Variants in CRIM1 observed in about 807,000 individuals in gnomAD.
CRIM1 encodes the protein cysteine rich transmembrane BMP regulator 1.
Under a neutral mutation model 116.4 loss-of-function variants are expected in CRIM1, and 32 were observed. The observed-to-expected ratio is 0.27, with a 90% CI of 0.21 to 0.37. The LOEUF (loss-of-function observed/expected upper bound fraction) is 0.37, where lower values mean the gene tolerates loss of function less well. CRIM1 is among the 10% of genes least tolerant of loss of function. The pLI is 1.00. For missense variants in CRIM1, 1,331 were observed against 1,354.8 expected (o/e 0.98, Z 0.28); for synonymous variants, 590 against 509.2 (o/e 1.16, Z -2.13).
At chr2:36,403,686 T>C (rs1672581301) in intron 2 of CRIM1, among the ~76,000 whole-genome samples, 1 of 152,130 alleles carries the variant, frequency 6.6e-6, no homozygotes, top group Non-Finnish European at 1.5e-5. Context: ...GGGAGGACTA[T>C]TATCAAGATA....
intron 4 of CRIM1, among the ~76,000 whole-genome samples, chr2:36,450,298 C>A (rs766831986): frequency 5.9e-4 from 90 of 152,134 alleles, no homozygotes; most frequent in Non-Finnish European, 1.1e-3. Context: ...GGCTCCTGGA[C>A]CCATATTTGC....
chr2:36,439,949 T>G (rs958486615), intron 2 of CRIM1, among the ~76,000 whole-genome samples: 2 of 152,180 alleles, frequency 1.3e-5, no homozygotes, highest in Non-Finnish European at 1.5e-5. Context: ...AGGTGCTCAG[T>G]CAATGTTTCA....
At chr2:36,488,596 A>C (rs1680004041) in intron 7 of CRIM1, among the ~76,000 whole-genome samples, 1 of 152,208 alleles carries the variant, frequency 6.6e-6, no homozygotes, top group Non-Finnish European at 1.5e-5. Context: ...TTTTGAGTTT[A>C]AGTTGATCAG....
At chr2:36,522,628 C>T (rs1302731354) in intron 13 of CRIM1, among the ~76,000 whole-genome samples, 1 of 151,734 alleles carries the variant, frequency 6.6e-6, no homozygotes, top group East Asian at 2.0e-4. Flanking sequence ...ATGATGAAAC[C>T]CCGTCTCTAC....
At chr2:36,363,847 G>A (rs559568189) in intron 1 of CRIM1, among the ~76,000 whole-genome samples, 10 of 152,140 alleles carry the variant, frequency 6.6e-5, no homozygotes, top group Non-Finnish European at 8.8e-5. Flanking sequence ...ACAGCTCGAC[G>A]CCATGGGGGC....
chr2:36,377,365 T>G (rs1178142950), intron 1 of CRIM1, among the ~76,000 whole-genome samples: 1 of 152,214 alleles, frequency 6.6e-6, no homozygotes, highest in Non-Finnish European at 1.5e-5. Flanking sequence ...AATGACTTCC[T>G]CTGGAGAAAT....
intron 4 of CRIM1, among the ~76,000 whole-genome samples, chr2:36,452,100 G>A (rs1185316539): frequency 6.6e-6 from 1 of 151,218 alleles, no homozygotes; most frequent in Non-Finnish European, 1.5e-5. Context: ...AGAGAAGATG[G>A]CACTTAACAG....
rs367975698 is a variant in CRIM1, at chr2:36,503,542, C to G, written c.1501+4195C>G. ...GGAAAGCCCCCAGCGTCCCCGCCCC[C>G]CTTTGTTCCCACCCCATCAGCCTGC... On this transcript the variant is annotated intron_variant, in intron 8 of 16. Coordinates refer to ENST00000280527, the MANE Select transcript of CRIM1 (RefSeq NM_016441.3). Among the ~76,000 whole-genome samples, 31 of 152,242 alleles carry G rather than the reference C, an allele frequency of 2.0e-4. 1 individual carries two copies. Among genetic ancestry groups the G allele is most frequent in the Non-Finnish European group, 3.2e-4 (22 of 68,020 alleles).
rs143195254 is a variant in CRIM1, at chr2:36,477,062, G to T, written c.1165G>T (p.Val389Leu). The change falls in exon 6 of 17, where the codon GTG (valine) becomes TTG (leucine). Residue 389 changes from valine (V) to leucine (L), a missense_variant. Val to Leu is a conservative substitution (Grantham distance 32). Transcript: ENST00000280527. The part of the protein sequence containing the change: ...YYVPEGECCP[V>L]CEDPVYPFNN... ...CGTGCCCGAAGGAGAGTGCTGCCCA[G>T]TGTGTGAAGGTAAGAAAAGGTGCTA... 26 of 1,607,738 alleles carry T rather than the reference G, an allele frequency of 1.6e-5. No individual in the cohort carries two copies. In the East Asian group the frequency reaches 5.8e-4, roughly 36 times the overall value.
chr2:36,517,062 C>G (rs1665077527), intron 11 of CRIM1, among the ~76,000 whole-genome samples: 1 of 152,178 alleles, frequency 6.6e-6, no homozygotes. Context: ...AGTCCCCTCC[C>G]TGTAATTTAA....
intron 7 of CRIM1, among the ~76,000 whole-genome samples, chr2:36,488,956 C>T (rs143617059): frequency 0.012 from 1,818 of 152,256 alleles, 123 homozygotes; most frequent in Admixed American, 0.11. Context: ...CACCGCTCGA[C>T]CAGCACCAGA....
intron 2 of CRIM1, among the ~76,000 whole-genome samples, chr2:36,433,963 G>A (rs1000452892): frequency 3.9e-5 from 6 of 152,062 alleles, no homozygotes; most frequent in African/African-American, 1.2e-4. Context: ...TTCTGAACGA[G>A]CTTGAAATAT....
Position 36,544,406 on chromosome 2 carries a change from C to A in CRIM1, c.2654C>A (p.Pro885His). ...EMYVPEPTNI[P>H]IEKTNHRGEV... ...TATGTCCCAGAACCAACCAATATAC[C>A]CATTGAGAAGACAAACCATCGAGGA... is the stretch of plus-strand genomic sequence containing the variant. Residue 885 changes from proline (P) to histidine (H), a missense_variant, in exon 15 of 17, where the codon CCC becomes CAC. Coordinates refer to ENST00000280527, the MANE Select transcript of CRIM1 (RefSeq NM_016441.3). 1.4e-6 allele frequency: 2 copies of A among 1,421,756 alleles called. No individual in the cohort carries two copies. Among genetic ancestry groups the A allele is most frequent in the Non-Finnish European group, 1.8e-6 (2 of 1,083,422 alleles). The allele number at this position is 1,421,756 out of a possible 1,614,324, so 88.1% of individuals were successfully genotyped here. A position where few individuals can be genotyped will look rare whatever the true frequency, so the allele number is the denominator to read the frequency against.
At position 36,510,129 on chromosome 2, in the gene CRIM1, C is replaced by G; in HGVS notation, c.1648C>G (p.Leu550Val). ...CATAATCTGTGACAAGTATTGTCCA[C>G]TTGGATTGCTGTACGTATTTGTTAA... ...RPIICDKYCP[L>V]GLLKNKHGCD... Residue 550 changes from leucine to valine, a missense_variant, in exon 9 of 17, where the codon CTT becomes GTT. Around this residue, in one of 3 missense-constraint regions of CRIM1, gnomAD observed 358 missense variants for 436.1 expected, o/e 0.82. Coordinates refer to ENST00000280527, the MANE Select transcript of CRIM1 (RefSeq NM_016441.3). 6.2e-7 allele frequency: 1 copy of G among 1,612,932 alleles called. No homozygotes were observed. The highest frequency in any genetic ancestry group is 8.5e-7 in the Non-Finnish European group (1 of 1,179,606).
intron 4 of CRIM1, among the ~76,000 whole-genome samples, chr2:36,448,394 A>T (rs1361213951): frequency 6.6e-6 from 1 of 152,222 alleles, no homozygotes; most frequent in African/African-American, 2.4e-5. Context: ...TCAAGAAGAT[A>T]GAGAGTTCTA....
intron 2 of CRIM1, among the ~76,000 whole-genome samples, chr2:36,432,491 T>C (rs1179310253): frequency 2.0e-5 from 3 of 152,104 alleles, no homozygotes; most frequent in Non-Finnish European, 4.4e-5. Context: ...TTGAAAACTG[T>C]TTTAAAATTC....
Position 36,422,782 on chromosome 2 carries a change from G to A in CRIM1, c.506-18476G>A, listed in dbSNP as rs891686783. On this transcript the variant is annotated intron_variant, in intron 2 of 16. Transcript: ENST00000280527. ...CCCTAAATGCTTCATTTAATACTTC[G>A]GAAATGGTTGTTCTCATAGGAGCTG... Among the ~76,000 whole-genome samples the A allele has an allele frequency of 1.3e-4, 20 of 152,138 alleles. 1 individual carries two copies. The highest frequency in any genetic ancestry group is 2.4e-5 in the African/African-American group (1 of 41,424).
chr2:36,482,277 A>G (rs1305527389), intron 7 of CRIM1, among the ~76,000 whole-genome samples: 2 of 152,168 alleles, frequency 1.3e-5, no homozygotes, highest in African/African-American at 2.4e-5. Context: ...TTTCATATGA[A>G]TGTATTTACT....
At chr2:36,382,383 C>T (rs72785167) in intron 1 of CRIM1, among the ~76,000 whole-genome samples, 7,728 of 152,340 alleles carry the variant, frequency 0.051, 236 homozygotes, top group Non-Finnish European at 0.074. Flanking sequence ...GTTTCCTGTG[C>T]AGCTGGAATC....
Sources: gnomAD v4.1 joint callset for allele counts (sites outside exome capture counted in the v4.1 genomes callset) on GRCh38, gnomAD v4.1.1 for gene constraint, gnomAD v4.1.1 regional missense constraint, MANE v1.5 for transcripts, NCBI Gene and HGNC (gene_info 2026-07-23, HGNC 2026-07-21) for gene names.